The following AIFM3 variants were observed in gnomAD, a reference collection of about 807,000 sequenced individuals.
AIFM3 encodes the protein apoptosis-inducing factor 3.
In AIFM3, 71 loss-of-function variants were observed where a neutral mutation model predicts 82.7. That is an observed-to-expected ratio of 0.86 (90% CI 0.71 to 1.05). The LOEUF (loss-of-function observed/expected upper bound fraction) is 1.05. AIFM3 is among the 50% of genes least tolerant of loss of function. The probability of loss-of-function intolerance (pLI) is 0.00; values close to 1 mark genes in which losing one functional copy is unlikely to be tolerated. For synonymous variants in AIFM3, 337 were observed against 329.1 expected (o/e 1.02, Z -0.26); for missense variants, 748 against 816.7 (o/e 0.92, Z 1.03).
At chr22:20,975,044 C>T (rs8136112) in intron 8 of AIFM3, among the ~76,000 whole-genome samples, 9,475 of 152,242 alleles carry the variant, frequency 0.062, 1,008 homozygotes, top group African/African-American at 0.22. Context: ...CTCACTGCAA[C>T]TTCCACCTCC....
intron 14 of AIFM3, 51 bp from the exon 15 acceptor site, chr22:20,977,649 C>G: frequency 6.2e-7 from 1 of 1,608,856 alleles, no homozygotes; most frequent in South Asian, 1.1e-5. Flanking sequence ...TGGAGAGTGA[C>G]TACGCAGAAG....
intron 2 of AIFM3, among the ~76,000 whole-genome samples, chr22:20,973,030 G>C (rs1923367037): frequency 6.9e-6 from 1 of 143,960 alleles, no homozygotes. Context: ...TTGGGCGACA[G>C]AGTGAGACCC....
At chr22:20,974,390 A>G (rs1923491519) in intron 6 of AIFM3, 94 bp downstream of exon 6, 5 of 1,571,602 alleles carry the variant, frequency 3.2e-6, no homozygotes, top group African/African-American at 1.4e-5. Context: ...TGGTGGGAGG[A>G]GCTTGGCACG....
intron 2 of AIFM3, among the ~76,000 whole-genome samples, chr22:20,969,645 G>C (rs151127019): frequency 6.4e-4 from 97 of 152,252 alleles, no homozygotes; most frequent in African/African-American, 2.3e-3. Context: ...TAGCCAGGAT[G>C]GTCTCTATCT....
In AIFM3 at chr22:20,976,447, C is replaced by A; in HGVS notation, c.939C>A (p.Asn313Lys). 6.2e-7 allele frequency: 1 copy of A among 1,614,082 alleles called. No individual in the cohort carries two copies. Among genetic ancestry groups the A allele is most frequent in the Admixed American group, 1.7e-5 (1 of 60,020 alleles). ...TLSCKGKEVE[N>K]VFTIRTPEDA... ...GCTGCAAAGGCAAAGAAGTGGAGAA[C>A]GTGTTCACTATCCGGACGCCAGAGG... Residue 313 changes from asparagine to lysine, a missense_variant, in exon 11 of 21, where the codon AAC becomes AAA. By Grantham distance (94) the Asn-to-Lys change is moderately conservative. Coordinates refer to ENST00000440238, the MANE Select transcript of AIFM3 (RefSeq NM_001386814.1).
At position 20,973,547 on chromosome 22, in the gene AIFM3, G is replaced by A. The variant is rs573056111; in HGVS notation, c.245+27G>A. ...TGGGTTCTGGGCTTGCCTGGGAGCG[G>A]GGATCAGGGGTCCCAAGGTGGGAGG... On this transcript the variant is annotated intron_variant, in intron 3 of 20. Transcript: ENST00000440238. The A allele has an allele frequency of 2.6e-5, 42 of 1,593,870 alleles. No homozygotes were observed. The African/African-American group carries it at 4.1e-4, about 16-fold the overall frequency.
At chr22:20,971,738 G>C (rs1487588321) in intron 2 of AIFM3, among the ~76,000 whole-genome samples, 2 of 152,230 alleles carry the variant, frequency 1.3e-5, no homozygotes, top group African/African-American at 4.8e-5. Flanking sequence ...CAGGGGCTTA[G>C]TGTCCATCAC....
At position 20,974,270 on chromosome 22, in the gene AIFM3, A is replaced by T. The variant is rs1422972866; in HGVS notation, c.484A>T (p.Lys162Ter). The T allele has an allele frequency of 6.2e-7, 1 of 1,613,658 alleles. No individual in the cohort carries two copies. Among genetic ancestry groups the T allele is most frequent in the Non-Finnish European group, 8.5e-7 (1 of 1,179,984 alleles). Residue 162 changes from lysine (K) to a stop codon, truncating the protein, a stop_gained, in exon 6 of 21, where the codon AAG becomes TAG. Coordinates refer to ENST00000440238, the MANE Select transcript of AIFM3 (RefSeq NM_001386814.1). LOFTEE classifies it high-confidence loss of function. ...CTTGCAGGTGAAGATTGAGAAGGAG[A>T]AGGTGTACGTCCGGGCCAGCAAGCA... Reference protein sequence around the residue: ...HKFQVKIEKEKVYVRASKQAL... With the variant: ...HKFQVKIEKE
chr22:20,975,744 G>T lies in AIFM3; in HGVS notation c.773G>T (p.Arg258Leu), dbSNP rs986397770. ...GCCCTGAGGCCCAAGGAGTTTTTCC[G>T]AGCCTATGGCATCGAGGTGCTCACC... The part of the protein sequence containing the change: ...QLALRPKEFF[R>L]AYGIEVLTEA... Residue 258 changes from arginine to leucine, a missense_variant, in exon 9 of 21, where the codon CGA (arginine) becomes CTA (leucine). By Grantham distance (102) the Arg-to-Leu change is moderately radical (BLOSUM62 -2). Around this residue, in one of 5 missense-constraint regions of AIFM3, gnomAD observed 393 missense variants for 481.1 expected, o/e 0.82. Coordinates refer to ENST00000440238, the MANE Select transcript of AIFM3 (RefSeq NM_001386814.1). 6.2e-7 allele frequency: 1 copy of T among 1,613,562 alleles called. No individual in the cohort carries two copies. Among genetic ancestry groups the T allele is most frequent in the Non-Finnish European group, 8.5e-7 (1 of 1,180,004 alleles).
chr22:20,967,747 C>T, intron 1 of AIFM3, 58 bp from the exon 2 acceptor site: 1 of 609,528 alleles, frequency 1.6e-6, no homozygotes, highest in Non-Finnish European at 2.9e-6. Flanking sequence ...CTCTCCGTCC[C>T]TCTGTGTCTC....
chr22:20,974,526 C>T lies in AIFM3; in HGVS notation c.512C>T (p.Ala171Val), dbSNP rs774600076. The part of the protein sequence containing the change: ...EKVYVRASKQ[A>V]LQLQRRTKVM... ...CCTCCACCCTCCTGGCACCCACAGG[C>T]CCTACAGCTGCAGCGAAGGACCAAG... is the stretch of plus-strand genomic sequence containing the variant. The change falls in exon 7 of 21, where the codon GCC becomes GTC. Residue 171 changes from alanine (A) to valine (V), a missense_variant and splice_region_variant. Ala to Val is a moderately conservative substitution (Grantham distance 64, BLOSUM62 0). This residue lies in a region of AIFM3 where 393 missense variants were observed against 481.1 expected (regional missense o/e 0.82). Coordinates refer to ENST00000440238, the MANE Select transcript of AIFM3 (RefSeq NM_001386814.1). 2.5e-6 allele frequency: 4 copies of T among 1,611,236 alleles called. No homozygotes were observed. The East Asian group carries it at 6.7e-5, about 27-fold the overall frequency.
At position 20,975,727 on chromosome 22, in the gene AIFM3, G is replaced by A. The variant is rs1923600180; in HGVS notation, c.756G>A (p.Arg252=). The part of the protein sequence containing the change: ...LDTQPEQLAL[R]PKEFFRAYGI... ...CACAGCCTGAGCAGCTGGCCCTGAG[G>A]CCCAAGGAGTTTTTCCGAGCCTATG... Residue 252 remains arginine, a synonymous_variant, in exon 9 of 21, where the codon AGG becomes AGA. Coordinates refer to ENST00000440238, the MANE Select transcript of AIFM3 (RefSeq NM_001386814.1). 3 of 1,613,582 alleles carry A rather than the reference G, an allele frequency of 1.9e-6. No individual in the cohort carries two copies. The highest frequency in any genetic ancestry group is 1.3e-5 in the African/African-American group (1 of 74,928).
At position 20,976,776 on chromosome 22, in the gene AIFM3, C is replaced by T. The variant is rs1393338693; in HGVS notation, c.1146+10C>T. 6.2e-7 allele frequency: 1 copy of T among 1,610,468 alleles called. No individual in the cohort carries two copies. Among genetic ancestry groups the T allele is most frequent in the Non-Finnish European group, 8.5e-7 (1 of 1,178,220 alleles). On this transcript the variant is annotated intron_variant, in intron 12 of 20. Transcript: ENST00000440238. ...TCGTGCCCTCATGAAGGTGAGCCCA[C>T]CCCAGCACCCAGTGCCTTGGAGCCC...
At chr22:20,976,371 C>T (rs376210698) in intron 10 of AIFM3, 37 bp from the exon 11 acceptor site, 496 of 1,613,514 alleles carry the variant, frequency 3.1e-4, no homozygotes, top group Non-Finnish European at 3.7e-4. Flanking sequence ...GGGGCTGGGG[C>T]TGCCAGGAGG....
At position 20,976,847 on chromosome 22, in the gene AIFM3, C is replaced by A; in HGVS notation, c.1147-20C>A. On this transcript the variant is annotated intron_variant, in intron 12 of 20. Coordinates refer to ENST00000440238, the MANE Select transcript of AIFM3 (RefSeq NM_001386814.1). ...GGCTGGGCTCTCATCCACCGCCCAC[C>A]TGCCCACTTGCCCTGACAGATGTTT... The A allele has an allele frequency of 6.3e-7, 1 of 1,595,122 alleles. No individual in the cohort carries two copies. Among genetic ancestry groups the A allele is most frequent in the Non-Finnish European group, 8.6e-7 (1 of 1,169,268 alleles).
Position 20,975,753 on chromosome 22 carries a change from G to A in AIFM3, c.782G>A (p.Gly261Asp), listed in dbSNP as rs753324281. The change falls in exon 9 of 21, where the codon GGC becomes GAC. Residue 261 changes from glycine (G) to aspartate (D), a missense_variant. Physicochemically the swap from Gly to Asp is moderately conservative, Grantham distance 94 (BLOSUM62 -1). Coordinates refer to ENST00000440238, the MANE Select transcript of AIFM3 (RefSeq NM_001386814.1). ...LRPKEFFRAYGIEVLTEAQVV... is the reference protein window; with the variant it reads ...LRPKEFFRAYDIEVLTEAQVV... ...CCCAAGGAGTTTTTCCGAGCCTATG[G>A]CATCGAGGTGCTCACCGAGGCTCAG... 1 of 1,613,272 alleles carries A rather than the reference G, an allele frequency of 6.2e-7. No homozygotes were observed.
At chr22:20,977,532 G>A in intron 14 of AIFM3, 168 bp from the exon 15 acceptor site, 1 of 751,518 alleles carries the variant, frequency 1.3e-6, no homozygotes, top group Non-Finnish European at 2.2e-6. Context: ...GAGGCACCGG[G>A]TCTGTGGGAG....
chr22:20,965,838 AGTCCCGCCTCACAGGTCC>A (rs1445672585), upstream of AIFM3, among the ~76,000 whole-genome samples: 10 of 152,122 alleles, frequency 6.6e-5, no homozygotes, highest in Non-Finnish European at 1.3e-4. Context: ...GGAGTAATCC[AGTCCCGCCTCACAGGTCC>A]TGGGGTCCCT....
chr22:20,979,796 G>T, intron 18 of AIFM3, 94 bp downstream of exon 18: 1 of 1,494,788 alleles, frequency 6.7e-7, no homozygotes, highest in South Asian at 1.2e-5. Context: ...CAAGAGCCCA[G>T]CCCTGAGCCC....
Sources: allele counts gnomAD v4.1 joint callset (sites outside exome capture counted in the v4.1 genomes callset), GRCh38; gene constraint gnomAD v4.1.1; regional missense constraint gnomAD v4.1.1; transcripts MANE v1.5; gene names NCBI Gene and HGNC (gene_info 2026-07-23, HGNC 2026-07-21).